CALN1: variants seen among roughly 807,000 people sequenced by gnomAD.
CALN1 encodes the protein calcium-binding protein 8.
A neutral mutation model predicts 30.6 loss-of-function variants in CALN1; 17 were observed. The observed-to-expected ratio is 0.56, with a 90% confidence interval of 0.38 to 0.83. The LOEUF (loss-of-function observed/expected upper bound fraction) is 0.83. Among genes scored for constraint, CALN1 ranks in the 40% least tolerant of loss-of-function variants. The pLI is 0.00. For missense variants in CALN1, 291 were observed against 354.9 expected (o/e 0.82, Z 1.45); for synonymous variants, 156 against 131.4 (o/e 1.19, Z -1.28).
intron 5 of CALN1, among the ~76,000 whole-genome samples, chr7:71,842,396 T>TG: frequency 6.6e-6 from 1 of 152,324 alleles, no homozygotes; most frequent in East Asian, 1.9e-4. Flanking sequence ...CCGTTTTGTC[T>TG]GGGTTCTTAG....
intron 3 of CALN1, among the ~76,000 whole-genome samples, chr7:72,249,216 A>G (rs1447591810): frequency 3.9e-5 from 6 of 152,164 alleles, no homozygotes; most frequent in Non-Finnish European, 8.8e-5. Context: ...ACTGATGAAA[A>G]AAATCAGACA....
At chr7:71,792,262 A>AC (rs1786610373) in intron 6 of CALN1, among the ~76,000 whole-genome samples, 1 of 152,126 alleles carries the variant, frequency 6.6e-6, no homozygotes, top group Non-Finnish European at 1.5e-5. Context: ...CCTGGGATAA[A>AC]CTGTAAGTCT....
chr7:72,015,448 T>TC (rs1400613916), intron 5 of CALN1, among the ~76,000 whole-genome samples: 1 of 143,638 alleles, frequency 7.0e-6, no homozygotes, highest in Non-Finnish European at 1.5e-5. Flanking sequence ...TTTTTTTTTT[T>TC]CTCTTTTTGA....
chr7:71,813,538 T>C (rs1788084243), intron 5 of CALN1, among the ~76,000 whole-genome samples: 1 of 152,170 alleles, frequency 6.6e-6, no homozygotes, highest in African/African-American at 2.4e-5. Context: ...GCATAACTGA[T>C]TGGAGCCAGA....
chr7:72,220,067 T>C (rs1793166881), intron 3 of CALN1, among the ~76,000 whole-genome samples: 1 of 151,936 alleles, frequency 6.6e-6, no homozygotes, highest in African/African-American at 2.4e-5. Context: ...ATACTTTAAG[T>C]TTTAGGGTAC....
At chr7:72,453,359 T>C in the CALN1 span, among the ~76,000 whole-genome samples, 1 of 152,204 alleles carries the variant, frequency 6.6e-6, no homozygotes, top group Admixed American at 6.5e-5. Flanking sequence ...GCACTTTTAA[T>C]TACATGCAAA....
chr7:72,048,672 T>C (rs1030118093), intron 4 of CALN1, among the ~76,000 whole-genome samples: 3 of 151,366 alleles, frequency 2.0e-5, no homozygotes, highest in African/African-American at 7.3e-5. Context: ...CTCCCTTCCC[T>C]CCTTCCTTGT....
At chr7:72,080,919 C>T (rs181491162) in intron 4 of CALN1, among the ~76,000 whole-genome samples, 1 of 152,194 alleles carries the variant, frequency 6.6e-6, no homozygotes, top group East Asian at 1.9e-4. Flanking sequence ...TTCAGCTTGT[C>T]CCTGTTTGTT....
rs1279204662 is a variant in CALN1, at chr7:72,420,828, C to T, written c.-225-8553G>A. Among the ~76,000 whole-genome samples the T allele has an allele frequency of 2.6e-5, 4 of 151,958 alleles. No individual in the cohort carries two copies. In the East Asian group the frequency reaches 7.7e-4, roughly 29 times the overall value. On this transcript the variant is annotated intron_variant, in intron 1 of 6. Transcript: ENST00000395276. ...TAGAGACAGGGTTTCACTATGTTAGCCAGGATGGTCTCGATCTCCTAGTGA... is the reference window on the plus strand; with the variant it reads ...TAGAGACAGGGTTTCACTATGTTAGTCAGGATGGTCTCGATCTCCTAGTGA...
chr7:72,214,701 C>T (rs1053418700), intron 3 of CALN1, among the ~76,000 whole-genome samples: 14 of 151,952 alleles, frequency 9.2e-5, no homozygotes, highest in Admixed American at 6.6e-4. Context: ...AGCCGCACAG[C>T]AGGAGGTGAG....
intron 1 of CALN1, among the ~76,000 whole-genome samples, chr7:72,406,473 A>G (rs77510796): frequency 0.025 from 3,846 of 152,122 alleles, 79 homozygotes; most frequent in Non-Finnish European, 0.041. Context: ...AATTTCCAGA[A>G]TTTGTCCTCT....
At chr7:71,834,397 G>A (rs933944561) in intron 5 of CALN1, among the ~76,000 whole-genome samples, 2 of 144,644 alleles carry the variant, frequency 1.4e-5, no homozygotes, top group African/African-American at 2.6e-5. Flanking sequence ...AGTCAATTGA[G>A]CCCAGGCTGA....
the CALN1 span, among the ~76,000 whole-genome samples, chr7:72,497,499 G>A: frequency 6.6e-6 from 1 of 152,118 alleles, no homozygotes; most frequent in African/African-American, 2.4e-5. Flanking sequence ...CAACTTAAAG[G>A]GATTTGATAA....
chr7:72,362,260 A>G (rs1177751312), intron 2 of CALN1, among the ~76,000 whole-genome samples: 1 of 152,182 alleles, frequency 6.6e-6, no homozygotes, highest in Non-Finnish European at 1.5e-5. Context: ...TACCAATTTG[A>G]TGACTTTTGA....
intron 2 of CALN1, among the ~76,000 whole-genome samples, chr7:72,381,872 A>G (rs2129560845): frequency 1.3e-5 from 2 of 152,334 alleles, no homozygotes; most frequent in South Asian, 4.1e-4. Context: ...ATTTTAGAAA[A>G]AGAATTATAG....
intron 2 of CALN1, among the ~76,000 whole-genome samples, chr7:72,306,231 T>TG (rs780556111): frequency 2.0e-5 from 3 of 152,176 alleles, no homozygotes; most frequent in Non-Finnish European, 4.4e-5. Context: ...CTGTCCTTTG[T>TG]GGGGGAAAAT....
At chr7:71,906,646 T>A (rs1182696762) in intron 5 of CALN1, among the ~76,000 whole-genome samples, 1 of 152,114 alleles carries the variant, frequency 6.6e-6, no homozygotes, top group East Asian at 1.9e-4. Flanking sequence ...CCAACAAGCT[T>A]ACACTGTAGC....
intron 2 of CALN1, among the ~76,000 whole-genome samples, chr7:72,330,588 C>G (rs1211671351): frequency 6.6e-6 from 1 of 152,112 alleles, no homozygotes; most frequent in Non-Finnish European, 1.5e-5. Flanking sequence ...GTGTCTTACA[C>G]CACTAGACTA....
intron 1 of CALN1, among the ~76,000 whole-genome samples, chr7:72,404,431 A>G (rs1016594465): frequency 3.3e-5 from 5 of 150,548 alleles, no homozygotes; most frequent in East Asian, 1.9e-4. Flanking sequence ...AATAAAGACA[A>G]ACAAAGACTC....
Sources: allele counts gnomAD v4.1 joint callset (sites outside exome capture counted in the v4.1 genomes callset), GRCh38; gene constraint gnomAD v4.1.1; transcripts MANE v1.5; gene names NCBI Gene and HGNC (gene_info 2026-07-23, HGNC 2026-07-21).